Variants in AFF3 observed in about 807,000 individuals in gnomAD.
AFF3 encodes AF4/FMR2 family member 3.
A neutral mutation model predicts 129.7 loss-of-function variants in AFF3; 32 were observed. That is an observed-to-expected ratio of 0.25 (90% CI 0.19 to 0.33). The LOEUF is 0.33. Ranked by LOEUF, AFF3 falls within the 10% of genes least tolerant of loss-of-function variation. The pLI is 1.00. For missense variants in AFF3, 1,373 were observed against 1,592.0 expected (o/e 0.86, Z 2.34); for synonymous variants, 644 against 635.4 (o/e 1.01, Z -0.20).
chr2:99,780,535 G>A (rs184746984), intron 8 of AFF3, among the ~76,000 whole-genome samples: 219 of 152,142 alleles, frequency 1.4e-3, no homozygotes, highest in Middle Eastern at 6.8e-3. Flanking sequence ...TACACCTTTC[G>A]CCTGAATGCC....
At chr2:99,619,704 T>G (rs1681804246) in intron 13 of AFF3, among the ~76,000 whole-genome samples, 1 of 152,180 alleles carries the variant, frequency 6.6e-6, no homozygotes, top group Non-Finnish European at 1.5e-5. Flanking sequence ...CTGACACCCT[T>G]GGCTTGTCTT....
Position 99,941,249 on chromosome 2 carries a change from C to T in AFF3, c.873+65383G>A, listed in dbSNP as rs1028311811. On this transcript the variant is annotated intron_variant, in intron 7 of 24. Transcript: ENST00000672756. The stretch of plus-strand genomic sequence containing the variant: ...AGTCAGAGAGAAAAAAAGAAAACAA[C>T]GATCTCAGCACCACTCTGACCTCAT... Among the ~76,000 whole-genome samples the T allele has an allele frequency of 7.9e-5, 12 of 152,154 alleles. 1 individual carries two copies. The highest frequency in any genetic ancestry group is 2.1e-4 in the South Asian group (1 of 4,830).
chr2:99,725,208 C>T (rs1372478548), intron 11 of AFF3, among the ~76,000 whole-genome samples: 25 of 151,816 alleles, frequency 1.6e-4, no homozygotes, highest in Non-Finnish European at 1.3e-4. Context: ...CTCCTGACCT[C>T]GTGATCCGCC....
intron 4 of AFF3, among the ~76,000 whole-genome samples, chr2:100,027,669 T>C (rs1003326452): frequency 1.4e-4 from 21 of 152,310 alleles, no homozygotes; most frequent in African/African-American, 3.8e-4. Context: ...TCCTATCTAG[T>C]TAAACTTTGC....
At chr2:99,761,590 G>A (rs575237495) in intron 8 of AFF3, among the ~76,000 whole-genome samples, 87 of 152,198 alleles carry the variant, frequency 5.7e-4, no homozygotes, top group Admixed American at 1.1e-3. Flanking sequence ...CCAAAGGAGA[G>A]AAGAAACAAA....
chr2:100,064,115 GAAA>G (rs1687526717), intron 4 of AFF3, among the ~76,000 whole-genome samples: 1 of 151,046 alleles, frequency 6.6e-6, no homozygotes, highest in African/African-American at 2.4e-5. Context: ...GAAAAGAAAA[GAAA>G]AGAAAAGAAA....
chr2:99,936,323 C>G (rs1674522367), intron 7 of AFF3, among the ~76,000 whole-genome samples: 1 of 152,140 alleles, frequency 6.6e-6, no homozygotes, highest in South Asian at 2.1e-4. Context: ...TGAAGGATCA[C>G]TTCCTGACAG....
intron 7 of AFF3, among the ~76,000 whole-genome samples, chr2:99,878,138 G>C (rs1473864394): frequency 6.6e-6 from 1 of 152,140 alleles, no homozygotes; most frequent in African/African-American, 2.4e-5. Context: ...GTAAGCAGTA[G>C]GAGAAAACAA....
At chr2:99,553,576 T>C (rs1286088859) in intron 24 of AFF3, among the ~76,000 whole-genome samples, 2 of 152,088 alleles carry the variant, frequency 1.3e-5, no homozygotes, top group Non-Finnish European at 2.9e-5. Context: ...AATCTGTATC[T>C]GTTGACCCCC....
intron 11 of AFF3, among the ~76,000 whole-genome samples, chr2:99,722,599 T>C (rs750146238): frequency 8.2e-4 from 125 of 152,280 alleles, no homozygotes; most frequent in Non-Finnish European, 4.4e-5. Context: ...ATTCTGAACT[T>C]TGTAGGCAGT....
intron 7 of AFF3, among the ~76,000 whole-genome samples, chr2:99,866,088 T>G (rs540734626): frequency 1.3e-5 from 2 of 152,124 alleles, no homozygotes; most frequent in Admixed American, 1.3e-4. Context: ...CTGAAGAGAG[T>G]AAGGCAAAAG....
At chr2:100,135,826 AAAG>A (rs1235330584) in intron 1 of AFF3, among the ~76,000 whole-genome samples, 1 of 152,216 alleles carries the variant, frequency 6.6e-6, no homozygotes, top group African/African-American at 2.4e-5. Context: ...GAGAGTGTGG[AAAG>A]AAGATTACTT....
intron 7 of AFF3, among the ~76,000 whole-genome samples, chr2:100,004,946 T>C (rs1681826583): frequency 6.6e-6 from 1 of 152,162 alleles, no homozygotes; most frequent in Non-Finnish European, 1.5e-5. Context: ...ACTGGCCTTT[T>C]TGAAATATTC....
At chr2:99,578,882 A>G (rs185337376) in intron 17 of AFF3, among the ~76,000 whole-genome samples, 226 of 152,276 alleles carry the variant, frequency 1.5e-3, no homozygotes, top group African/African-American at 4.9e-3. Context: ...GCCAGGCCCC[A>G]CCCTGAGAGT....
At chr2:100,103,530 GAGAA>G (rs112012374) in intron 4 of AFF3, among the ~76,000 whole-genome samples, 18,195 of 147,956 alleles carry the variant, frequency 0.12, 1,448 homozygotes, top group South Asian at 0.18. Context: ...GGGGGGAGCA[GAGAA>G]AGAAGGGGGA....
intron 5 of AFF3, among the ~76,000 whole-genome samples, chr2:100,008,325 A>T (rs954501107): frequency 2.0e-5 from 3 of 152,196 alleles, no homozygotes; most frequent in African/African-American, 7.2e-5. Flanking sequence ...ATGACATTTC[A>T]TTTTGGAAGC....
At chr2:99,640,614 G>GTT (rs34851835) in intron 13 of AFF3, among the ~76,000 whole-genome samples, 25 of 147,160 alleles carry the variant, frequency 1.7e-4, no homozygotes, top group Non-Finnish European at 2.7e-4. Flanking sequence ...GGGCCAGAGG[G>GTT]TTTTTTTTTT....
intron 10 of AFF3, among the ~76,000 whole-genome samples, chr2:99,729,268 AAT>A (rs1434461916): frequency 1.3e-5 from 2 of 152,202 alleles, no homozygotes; most frequent in African/African-American, 4.8e-5. Context: ...TGTTTGAAGA[AAT>A]ATGTTTTGCC....
chr2:100,004,971 G>A (rs1559048947), intron 7 of AFF3, among the ~76,000 whole-genome samples: 1 of 152,044 alleles, frequency 6.6e-6, no homozygotes, highest in Non-Finnish European at 1.5e-5. Flanking sequence ...CAAAAAGTTA[G>A]GAAGAGGGCA....
Sources: allele counts gnomAD v4.1 joint callset (sites outside exome capture counted in the v4.1 genomes callset), GRCh38; gene constraint gnomAD v4.1.1; transcripts MANE v1.5; gene names NCBI Gene and HGNC (gene_info 2026-07-23, HGNC 2026-07-21).